The following RBM5 variants were observed in gnomAD, a reference collection of about 807,000 sequenced individuals.
The protein encoded by RBM5 is RNA-binding protein 5.
Under a neutral mutation model 124.6 loss-of-function variants are expected in RBM5, and 15 were observed. The observed-to-expected ratio is 0.12, with a 90% CI of 0.08 to 0.19. RBM5 has a LOEUF of 0.19. Ranked by LOEUF, RBM5 falls within the 10% of genes least tolerant of loss-of-function variation. The pLI is 1.00. For missense variants in RBM5, 580 were observed against 1,026.5 expected, an observed-to-expected ratio of 0.57 and a Z score of 5.94; for synonymous variants, 337 against 361.2, an observed-to-expected ratio of 0.93 and a Z score of 0.76.
At position 50,110,761 on chromosome 3, in the gene RBM5, C is replaced by T. The variant is rs1331234503; in HGVS notation, c.1446C>T (p.Pro482=). ...CGACAACAGGGCTCTATTATGACCCCAACTCGCAAGTAAATGTGCTGCTTT... is the reference window on the plus strand; with the variant it reads ...CGACAACAGGGCTCTATTATGACCCTAACTCGCAAGTAAATGTGCTGCTTT... ...YDPTTGLYYD[P]NSQYYYNSLT... is the part of the protein sequence containing the mutation. Residue 482 remains proline, a synonymous_variant, in exon 17 of 25, where the codon CCC becomes CCT. Transcript: ENST00000347869. 1 of 1,607,456 alleles carries T rather than the reference C, an allele frequency of 6.2e-7. No individual in the cohort carries two copies. The highest frequency in any genetic ancestry group is 8.5e-7 in the Non-Finnish European group (1 of 1,175,144).
chr3:50,106,242 G>A (rs1431497834), intron 10 of RBM5, among the ~76,000 whole-genome samples: 1 of 139,138 alleles, frequency 7.2e-6, no homozygotes, highest in Non-Finnish European at 1.5e-5. Flanking sequence ...CAGGGTTCAC[G>A]CCATTCTCCC....
At chr3:50,101,231 G>T (rs2090933689) in intron 6 of RBM5, 1 of 152,148 alleles carries the variant, frequency 6.6e-6, no homozygotes, top group South Asian at 2.1e-4. Flanking sequence ...GGTTCTTCGA[G>T]GTAGTGTTAA....
chr3:50,105,733 C>A (rs373974004), intron 10 of RBM5, 24 bp downstream of exon 10: 158 of 1,609,426 alleles, frequency 9.8e-5, no homozygotes, highest in Non-Finnish European at 1.2e-4. Flanking sequence ...CGATTCTTTC[C>A]TTTTTAAAAG....
intron 4 of RBM5, among the ~76,000 whole-genome samples, chr3:50,096,623 TC>T (rs2090820900): frequency 6.6e-6 from 1 of 152,050 alleles, no homozygotes; most frequent in Non-Finnish European, 1.5e-5. Context: ...AGGGCCTTAC[TC>T]TGTCGCATAG....
intron 14 of RBM5, among the ~76,000 whole-genome samples, chr3:50,108,790 G>A (rs1014061445): frequency 7.2e-5 from 11 of 152,126 alleles, no homozygotes; most frequent in African/African-American, 2.4e-4. Flanking sequence ...ACGGTTATTT[G>A]TGTACACCAG....
chr3:50,103,478 C>G (rs932004379), intron 7 of RBM5, among the ~76,000 whole-genome samples: 4 of 152,124 alleles, frequency 2.6e-5, no homozygotes, highest in Non-Finnish European at 4.4e-5. Context: ...AAAACCCCGT[C>G]TCTACTAAAA....
intron 4 of RBM5, among the ~76,000 whole-genome samples, chr3:50,094,827 C>G (rs886309112): frequency 6.6e-6 from 1 of 152,170 alleles, no homozygotes; most frequent in African/African-American, 2.4e-5. Context: ...TAGGGTTGCT[C>G]AACCTGTATC....
intron 18 of RBM5, 61 bp from the exon 19 acceptor site, chr3:50,113,889 C>A: frequency 6.4e-7 from 1 of 1,566,884 alleles, no homozygotes. Flanking sequence ...TCCTTAATGG[C>A]TCATTCTCAT....
chr3:50,096,247 G>A (rs776652950), intron 4 of RBM5, among the ~76,000 whole-genome samples: 1 of 151,848 alleles, frequency 6.6e-6, no homozygotes. Flanking sequence ...CCAGCACTTC[G>A]GGAGGCCAAG....
chr3:50,108,551 AC>A (rs1402377876), intron 14 of RBM5, among the ~76,000 whole-genome samples: 2 of 152,170 alleles, frequency 1.3e-5, no homozygotes, highest in African/African-American at 4.8e-5. Context: ...AGCTAAAACT[AC>A]AGAAATTAGC....
chr3:50,097,979 A>C (rs7648652), intron 4 of RBM5, among the ~76,000 whole-genome samples: 34,201 of 152,002 alleles, frequency 0.23, 4,156 homozygotes, highest in Middle Eastern at 0.27. Context: ...ATGCGCCTGT[A>C]GTCCCAGCTA....
chr3:50,107,628 C>A, intron 12 of RBM5, 59 bp downstream of exon 12: 1 of 1,119,606 alleles, frequency 8.9e-7, no homozygotes, highest in Non-Finnish European at 1.3e-6. Context: ...GATTCACAGA[C>A]GTGACCTCTC....
chr3:50,115,653 G>A (rs2091233903), intron 21 of RBM5, 46 bp downstream of exon 21: 1 of 1,557,082 alleles, frequency 6.4e-7, no homozygotes, highest in Non-Finnish European at 8.7e-7. Flanking sequence ...GGGAGGCAGT[G>A]AGACAATTTG....
chr3:50,089,522 T>C (rs2090663769), intron 1 of RBM5, among the ~76,000 whole-genome samples: 1 of 152,194 alleles, frequency 6.6e-6, no homozygotes, highest in Non-Finnish European at 1.5e-5. Flanking sequence ...GACGCCGCCA[T>C]CTCGGCCGCG....
At position 50,093,827 on chromosome 3, in the gene RBM5, C is replaced by T; in HGVS notation, c.291C>T (p.Ser97=). ...ATGACATCAGTGACGAGAGGGAGAG[C>T]AAGACCATCATGCTGCGCGGCCTTC... The part of the protein sequence containing the change: ...YRHDISDERE[S]KTIMLRGLPI... The change falls in exon 4 of 25, where the codon AGC becomes AGT. Residue 97 remains serine (S), a synonymous_variant. Coordinates refer to ENST00000347869, the MANE Select transcript of RBM5 (RefSeq NM_005778.4). The T allele has an allele frequency of 6.2e-7, 1 of 1,613,784 alleles. No homozygotes were observed. The highest frequency in any genetic ancestry group is 8.5e-7 in the Non-Finnish European group (1 of 1,179,734).
intron 4 of RBM5, 39 bp from the exon 5 acceptor site, chr3:50,099,943 C>T: frequency 6.3e-7 from 1 of 1,578,192 alleles, no homozygotes; most frequent in Non-Finnish European, 8.7e-7. Flanking sequence ...TAGTGTGTGG[C>T]AAAAGCTTTA....
chr3:50,108,175 T>C, intron 13 of RBM5, 28 bp downstream of exon 13: 3 of 1,602,348 alleles, frequency 1.9e-6, no homozygotes. Context: ...GCATCCACCT[T>C]ATAGTCTTGC....
chr3:50,097,497 G>A (rs2108992976), intron 4 of RBM5, among the ~76,000 whole-genome samples: 1 of 152,260 alleles, frequency 6.6e-6, no homozygotes, highest in South Asian at 2.1e-4. Flanking sequence ...ATGAGGATTG[G>A]CTGTGTGTAG....
intron 4 of RBM5, among the ~76,000 whole-genome samples, chr3:50,096,781 T>C (rs2090826108): frequency 6.6e-6 from 1 of 151,752 alleles, no homozygotes; most frequent in South Asian, 2.1e-4. Flanking sequence ...CGTTTGTTTT[T>C]TTTTTTGTAG....
Sources: allele counts gnomAD v4.1 joint callset (sites outside exome capture counted in the v4.1 genomes callset), GRCh38; gene constraint gnomAD v4.1.1; transcripts MANE v1.5; gene names NCBI Gene and HGNC (gene_info 2026-07-23, HGNC 2026-07-21).